HCFC1: variants seen among roughly 807,000 people sequenced by gnomAD.
HCFC1 encodes the protein host cell factor 1.
Under a neutral mutation model 105.5 loss-of-function variants are expected in HCFC1, and 7 were observed. That is an observed-to-expected ratio of 0.07 (90% CI 0.04 to 0.12). The LOEUF (loss-of-function observed/expected upper bound fraction) is 0.12, where lower values mean the gene tolerates loss of function less well. Among genes scored for constraint, HCFC1 ranks in the 10% least tolerant of loss-of-function variants. The pLI is 1.00. For synonymous variants in HCFC1, 918 were observed against 828.1 expected (o/e 1.11, Z -1.86); for missense variants, 1,065 against 1,823.6 (o/e 0.58, Z 7.58).
Position 153,971,379 on chromosome X carries a change from C to T in HCFC1, c.-539G>A, listed in dbSNP as rs1416230807. 2 of 294,737 alleles carry T rather than the reference C, an allele frequency of 6.8e-6. No individual in the cohort carries two copies. Among genetic ancestry groups the T allele is most frequent in the East Asian group, 9.6e-5 (2 of 20,871 alleles). The allele number at this position is 294,737 out of a possible 1,213,427, so 24.3% of individuals were successfully genotyped here. A position where few individuals can be genotyped will look rare whatever the true frequency, so the allele number is the denominator to read the frequency against. On this transcript the variant is annotated 5_prime_UTR_variant, in exon 1 of 26. Coordinates refer to ENST00000310441, the MANE Select transcript of HCFC1 (RefSeq NM_005334.3). ...GGGAGCCGCCATCTTGAGACCGTCCCGCTTCCCCGCCCAGCGCCTTAGTGC... is the reference window on the plus strand; with the variant it reads ...GGGAGCCGCCATCTTGAGACCGTCCTGCTTCCCCGCCCAGCGCCTTAGTGC...
intron 22 of HCFC1, 113 bp downstream of exon 22, chrX:153,951,237 C>G: frequency 1.1e-6 from 1 of 904,178 alleles, no homozygotes; most frequent in Non-Finnish European, 1.6e-6. Context: ...CTTCCTCAGG[C>G]TTCCTGGCTA....
chrX:153,957,497 G>A lies in HCFC1; in HGVS notation c.2170C>T (p.Leu724=), dbSNP rs1260817252. ...GPLPAGTILK[L]VTSADGKPTT... Reference sequence around the variant, plus strand: ...GGCTTGCCATCTGCTGAGGTCACCAGCTTCAGGATTGTTCCCGCTGGCAGG... The same window carrying A: ...GGCTTGCCATCTGCTGAGGTCACCAACTTCAGGATTGTTCCCGCTGGCAGG... The change falls in exon 13 of 26, where the codon CTG becomes TTG. Residue 724 remains leucine, a synonymous_variant. Coordinates refer to ENST00000310441, the MANE Select transcript of HCFC1 (RefSeq NM_005334.3). 8.3e-6 allele frequency: 10 copies of A among 1,207,639 alleles called. No homozygotes were observed. The African/African-American group carries it at 1.0e-4, about 13-fold the overall frequency.
intron 24 of HCFC1, 60 bp downstream of exon 24, chrX:153,950,183 T>A: frequency 9.4e-7 from 1 of 1,063,002 alleles, no homozygotes; most frequent in Non-Finnish European, 1.2e-6. Context: ...CAGTTCCTCC[T>A]GCTGCACCCG....
chrX:153,964,093 G>A (rs1175103752), intron 3 of HCFC1, 31 bp downstream of exon 3: 1 of 1,167,024 alleles, frequency 8.6e-7, no homozygotes, highest in Non-Finnish European at 1.2e-6. Context: ...CACCCACCCG[G>A]GGGGTTCCAG....
Position 153,954,312 on chromosome X carries a change from T to C in HCFC1, c.4087A>G (p.Thr1363Ala). ...AGRPCETHQT[T>A]STGTTMSVSV... ...ACCGACATGGTGGTGCCAGTGGAAG[T>C]GGTCTGGTGTGTCTCACAGGGGCGA... Residue 1363 changes from threonine (T) to alanine (A), a missense_variant, in exon 17 of 26, where the codon ACT becomes GCT. Physicochemically the swap from Thr to Ala is moderately conservative, Grantham distance 58. Coordinates refer to ENST00000310441, the MANE Select transcript of HCFC1 (RefSeq NM_005334.3). 1 of 1,194,894 alleles carries C rather than the reference T, an allele frequency of 8.4e-7. No individual in the cohort carries two copies. Among genetic ancestry groups the C allele is most frequent in the Non-Finnish European group, 1.1e-6 (1 of 885,290 alleles).
intron 1 of HCFC1, among the ~76,000 whole-genome samples, chrX:153,967,033 C>T (rs1244196161): frequency 8.9e-6 from 1 of 112,198 alleles, no homozygotes. Context: ...GGCAGGGGCC[C>T]TCCCCACCCC....
chrX:153,960,717 G>A (rs1000024340), intron 6 of HCFC1, among the ~76,000 whole-genome samples: 2 of 112,477 alleles, frequency 1.8e-5, no homozygotes, highest in Non-Finnish European at 3.8e-5. Flanking sequence ...GTGGTTTAGG[G>A]AAAACGTGAT....
chrX:153,950,316 G>T lies in HCFC1; in HGVS notation c.5931C>A (p.Pro1977=). The T allele has an allele frequency of 8.3e-7, 1 of 1,209,420 alleles. No individual in the cohort carries two copies. The highest frequency in any genetic ancestry group is 1.1e-6 in the Non-Finnish European group (1 of 894,514). ...SNAHIDYTTK[P]AIIFRIAARN... is the part of the protein sequence containing the mutation. ...GGGCGGCGATGCGGAAGATGATGGC[G>T]GGCTTGGTGGTGTAGTCGATGTGGG... The change falls in exon 24 of 26, where the codon CCC becomes CCA. Residue 1977 remains proline (P), a synonymous_variant. Transcript: ENST00000310441.
At chrX:153,953,124 G>A in intron 18 of HCFC1, 166 bp from the exon 19 acceptor site, 2 of 503,747 alleles carry the variant, frequency 4.0e-6, no homozygotes, top group Non-Finnish European at 7.0e-6. Context: ...TCAGAGGGGA[G>A]GAGAGGGGCC....
In HCFC1 at chrX:153,954,123, C is replaced by T; in HGVS notation, c.4276G>A (p.Glu1426Lys). ...VCSNPPCETH[E>K]TGTTHTATTV... ...GTGGCCGTGTGAGTGGTGCCCGTCTCGTGGGTCTCACAGGGGGGGTTGGAG... is the reference window on the plus strand; with the variant it reads ...GTGGCCGTGTGAGTGGTGCCCGTCTTGTGGGTCTCACAGGGGGGGTTGGAG... Residue 1426 changes from glutamate to lysine, a missense_variant, in exon 17 of 26, where the codon GAG becomes AAG. By Grantham distance (56) the Glu-to-Lys change is moderately conservative. This residue lies in a region of HCFC1 where 546 missense variants were observed against 599.9 expected (regional missense o/e 0.91). Transcript: ENST00000310441. 8.3e-7 allele frequency: 1 copy of T among 1,210,239 alleles called. No homozygotes were observed. Among genetic ancestry groups the T allele is most frequent in the Non-Finnish European group, 1.1e-6 (1 of 894,571 alleles).
intron 1 of HCFC1, chrX:153,969,409 G>A (rs1396666743): frequency 1.8e-5 from 2 of 111,361 alleles, no homozygotes; most frequent in East Asian, 2.8e-4. Context: ...TCAGGACTAG[G>A]GCATCCCAAG....
rs201762685 is a variant in HCFC1, at chrX:153,964,701, G to A, written c.219C>T (p.Ala73=). The A allele has an allele frequency of 2.3e-5, 27 of 1,186,422 alleles. No homozygotes were observed. Among genetic ancestry groups the A allele is most frequent in the African/African-American group, 3.5e-5 (2 of 56,705 alleles). Residue 73 remains alanine (A), a synonymous_variant, in exon 2 of 26, where the codon GCC becomes GCT. Transcript: ENST00000310441. The part of the protein sequence containing the change: ...NTATNQWFIP[A]VRGDIPPGCA... ...ACCCAGGGGGAATGTCCCCCCTCAC[G>A]GCTGGGATGAACCACTGGTTGGTTG...
intron 1 of HCFC1, among the ~76,000 whole-genome samples, chrX:153,967,273 C>A (rs147262447): frequency 0.016 from 1,741 of 111,940 alleles, 40 homozygotes; most frequent in African/African-American, 0.054. Context: ...TGGCTCTCAG[C>A]TGGGAGGGGA....
intron 15 of HCFC1, 23 bp from the exon 16 acceptor site, chrX:153,956,434 T>C (rs1557114984): frequency 1.7e-5 from 20 of 1,186,447 alleles, no homozygotes; most frequent in Non-Finnish European, 2.2e-5. Flanking sequence ...AGGCAAGAGT[T>C]GGGCCAAGGC....
chrX:153,964,073 T>C (rs781922028), intron 3 of HCFC1, 51 bp downstream of exon 3: 36 of 1,092,819 alleles, frequency 3.3e-5, no homozygotes, highest in Non-Finnish European at 4.5e-5. Context: ...GCCCTGTGCA[T>C]GTGAGAGCAC....
rs782316961 is a variant in HCFC1 at position 153,955,556 on chromosome X, C to G, written c.2857-14G>C. The G allele has an allele frequency of 4.1e-5, 48 of 1,161,295 alleles. No homozygotes were observed. The African/African-American group carries it at 5.5e-4, about 13-fold the overall frequency. The stretch of plus-strand genomic sequence containing the variant: ...CTGGGACACGGGCTGGGGAGACACA[C>G]GAGGAGGAGAGTTAGTGCTGCAGCT... On this transcript the variant is annotated splice_polypyrimidine_tract_variant and intron_variant, in intron 16 of 25. Transcript: ENST00000310441.
chrX:153,947,936 C>T lies in HCFC1; in HGVS notation c.*1411G>A, dbSNP rs2065271014. The T allele has an allele frequency of 9.0e-6, 1 of 111,619 alleles. No homozygotes were observed. The highest frequency in any genetic ancestry group is 3.7e-4 in the South Asian group (1 of 2,684). 9.2% of individuals were successfully genotyped at this position (111,619 alleles called of 1,213,427 possible). A position where few individuals can be genotyped will look rare whatever the true frequency, so the allele number is the denominator to read the frequency against. On this transcript the variant is annotated 3_prime_UTR_variant, in exon 26 of 26. Coordinates refer to ENST00000310441, the MANE Select transcript of HCFC1 (RefSeq NM_005334.3). ...GAAGTTTGGGGTGGGGGGCAGAAAA[C>T]TCCAAGCAGATCCCCCAGCCTCGGA...
Position 153,955,499 on chromosome X carries a change from C to G in HCFC1, c.2900G>C (p.Ser967Thr). 8.5e-7 allele frequency: 1 copy of G among 1,181,286 alleles called. No individual in the cohort carries two copies. Among genetic ancestry groups the G allele is most frequent in the Non-Finnish European group, 1.1e-6 (1 of 878,424 alleles). The change falls in exon 17 of 26, where the codon AGT (serine) becomes ACT (threonine). Residue 967 changes from serine (S) to threonine (T), a missense_variant. Ser to Thr is a moderately conservative substitution (Grantham distance 58, BLOSUM62 1). Around this residue, in one of 17 missense-constraint regions of HCFC1, gnomAD observed 546 missense variants for 599.9 expected, o/e 0.91. Coordinates refer to ENST00000310441, the MANE Select transcript of HCFC1 (RefSeq NM_005334.3). ...ATGCACAGGCTGGGCCTCCACCCCA[C>G]TAGGTGCCGTGATCAGAGTTACCTG... ...PTQVTLITAP[S>T]GVEAQPVHDL...
At position 153,960,165 on chromosome X, in the gene HCFC1, T is replaced by C. The variant is rs2065415669; in HGVS notation, c.1085-4A>G. On this transcript the variant is annotated splice_region_variant and splice_polypyrimidine_tract_variant and intron_variant, in intron 7 of 25. Coordinates refer to ENST00000310441, the MANE Select transcript of HCFC1 (RefSeq NM_005334.3). Reference sequence around the variant, plus strand: ...CGGGCTGGGGGTGGTGGCTTTTCTGTGGGAGAACGCAGTTGGTGAGAAGGG... The same window carrying C: ...CGGGCTGGGGGTGGTGGCTTTTCTGCGGGAGAACGCAGTTGGTGAGAAGGG... The C allele has an allele frequency of 8.3e-7, 1 of 1,203,812 alleles. No individual in the cohort carries two copies. Among genetic ancestry groups the C allele is most frequent in the Non-Finnish European group, 1.1e-6 (1 of 891,411 alleles).
Sources: allele counts gnomAD v4.1 joint callset (sites outside exome capture counted in the v4.1 genomes callset), GRCh38; gene constraint gnomAD v4.1.1; regional missense constraint gnomAD v4.1.1; transcripts MANE v1.5; gene names NCBI Gene and HGNC (gene_info 2026-07-23, HGNC 2026-07-21).